The following DDR2 variants were observed in gnomAD, a reference collection of about 807,000 sequenced individuals.
DDR2 encodes the protein discoidin domain-containing receptor 2.
In DDR2, 27 loss-of-function variants were observed where a neutral mutation model predicts 94.9. That is an observed-to-expected ratio of 0.28 (90% CI 0.21 to 0.39). DDR2 has a LOEUF of 0.39. DDR2 is among the 10% of genes least tolerant of loss of function. The probability of loss-of-function intolerance (pLI) is 1.00; values close to 1 mark genes in which losing one functional copy is unlikely to be tolerated. For missense variants in DDR2, 783 were observed against 1,076.0 expected (o/e 0.73, Z 3.81); for synonymous variants, 382 against 377.2 (o/e 1.01, Z -0.15).
intron 12 of DDR2, 142 bp downstream of exon 12, chr1:162,770,654 T>C: frequency 1.1e-6 from 1 of 890,244 alleles, no homozygotes; most frequent in African/African-American, 1.7e-5. Flanking sequence ...CTTTCTAGAT[T>C]TGGTCTGCCG....
At chr1:162,666,395 A>C (rs2101928925) in intron 2 of DDR2, among the ~76,000 whole-genome samples, 1 of 152,326 alleles carries the variant, frequency 6.6e-6, no homozygotes, top group East Asian at 1.9e-4. Context: ...TGAATGAATG[A>C]GCAAATGAAG....
At chr1:162,755,011 G>A in intron 5 of DDR2, 145 bp from the exon 6 acceptor site, 1 of 1,428,730 alleles carries the variant, frequency 7.0e-7, no homozygotes, top group East Asian at 2.4e-5. Context: ...GGCAGGGAAG[G>A]AATATCAAGG....
At chr1:162,672,015 G>A (rs1342862120) in intron 2 of DDR2, among the ~76,000 whole-genome samples, 2 of 152,240 alleles carry the variant, frequency 1.3e-5, no homozygotes, top group South Asian at 2.1e-4. Flanking sequence ...TTTAATGCTT[G>A]CAGTTTTCCC....
intron 9 of DDR2, among the ~76,000 whole-genome samples, chr1:162,764,300 A>T (rs1663886631): frequency 6.6e-6 from 1 of 152,196 alleles, no homozygotes; most frequent in Non-Finnish European, 1.5e-5. Context: ...CTACAGCCAG[A>T]AACTGTGCCA....
chr1:162,764,204 T>C (rs1323785758), intron 9 of DDR2, among the ~76,000 whole-genome samples: 1 of 152,210 alleles, frequency 6.6e-6, no homozygotes, highest in Non-Finnish European at 1.5e-5. Flanking sequence ...TTGTATTCCA[T>C]TTGTTTCAAC....
At chr1:162,633,737 C>T (rs1459043663) in intron 1 of DDR2, among the ~76,000 whole-genome samples, 1 of 152,178 alleles carries the variant, frequency 6.6e-6, no homozygotes, top group African/African-American at 2.4e-5. Context: ...AGAGAGGACG[C>T]CAATGGCGGC....
In DDR2 at chr1:162,774,665, C is replaced by T. The variant is rs546498655; in HGVS notation, c.1857-987C>T. Among the ~76,000 whole-genome samples the T allele has an allele frequency of 2.0e-5, 3 of 152,214 alleles. No individual in the cohort carries two copies. In the East Asian group the frequency reaches 5.8e-4, roughly 29 times the overall value. On this transcript the variant is annotated intron_variant, in intron 14 of 17. Coordinates refer to ENST00000367921, the MANE Select transcript of DDR2 (RefSeq NM_006182.4). Reference sequence around the variant, plus strand: ...GGCATGAGGGGAAACAAAACCAAACCAAACCACAGGACATAGGATATGACA... The same window carrying T: ...GGCATGAGGGGAAACAAAACCAAACTAAACCACAGGACATAGGATATGACA...
chr1:162,693,124 A>G (rs529824399), intron 2 of DDR2, among the ~76,000 whole-genome samples: 2 of 152,230 alleles, frequency 1.3e-5, no homozygotes, highest in South Asian at 4.1e-4. Context: ...AGACAAAACT[A>G]TATGAGGTTA....
chr1:162,655,172 CAA>C (rs1038973238), intron 1 of DDR2, 37 bp from the exon 2 acceptor site: 1 of 152,178 alleles, frequency 6.6e-6, no homozygotes, highest in African/African-American at 2.4e-5. Context: ...TGAATGGAAC[CAA>C]AGTCTATAAT....
intron 2 of DDR2, among the ~76,000 whole-genome samples, chr1:162,679,920 C>T (rs181835963): frequency 2.9e-4 from 44 of 152,030 alleles, no homozygotes; most frequent in African/African-American, 6.5e-4. Context: ...GCCTGTTGGC[C>T]GCATGTACGT....
At chr1:162,741,514 C>T in intron 3 of DDR2, 1 of 876,282 alleles carries the variant, frequency 1.1e-6, no homozygotes, top group African/African-American at 1.8e-5. Flanking sequence ...AGGGTTATTG[C>T]AAGGGTAAAG....
Position 162,773,571 on chromosome 1 carries a change from C to T in DDR2, c.1831C>T (p.Arg611Ter), listed in dbSNP as rs928746429. Reference protein sequence around the residue: ...QPVLVAVKMLRADANKNARND... With the variant: ...QPVLVAVKML ...TGTCCTGGTGGCTGTGAAAATGCTC[C>T]GAGCAGATGCCAACAAGAATGCCAG... The change falls in exon 14 of 18, where the codon CGA (arginine) becomes TGA (stop). Residue 611 changes from arginine to a stop codon, truncating the protein, a stop_gained. Transcript: ENST00000367921. LOFTEE classifies it high-confidence loss of function. 4.3e-6 allele frequency: 7 copies of T among 1,613,882 alleles called. No individual in the cohort carries two copies. The highest frequency in any genetic ancestry group is 5.9e-6 in the Non-Finnish European group (7 of 1,179,920).
intron 2 of DDR2, among the ~76,000 whole-genome samples, chr1:162,692,526 A>G (rs1383069258): frequency 6.6e-6 from 1 of 152,210 alleles, no homozygotes; most frequent in Non-Finnish European, 1.5e-5. Flanking sequence ...AAGAATGGAT[A>G]TCCAAATGAC....
At chr1:162,642,748 GA>G (rs1276224227) in intron 1 of DDR2, among the ~76,000 whole-genome samples, 2 of 152,128 alleles carry the variant, frequency 1.3e-5, no homozygotes, top group East Asian at 3.9e-4. Context: ...GTCCTCTGAT[GA>G]TAGAAGTGCT....
chr1:162,742,475 G>A (rs773810586), intron 3 of DDR2, among the ~76,000 whole-genome samples: 7 of 152,138 alleles, frequency 4.6e-5, no homozygotes, highest in East Asian at 1.9e-4. Context: ...GTGGGGTGGC[G>A]GGGAAGGGAC....
intron 2 of DDR2, among the ~76,000 whole-genome samples, chr1:162,679,193 T>G (rs1387759317): frequency 2.6e-5 from 4 of 151,974 alleles, no homozygotes; most frequent in African/African-American, 9.7e-5. Flanking sequence ...CTCTCCCTCC[T>G]CCCACTGACC....
intron 8 of DDR2, 125 bp from the exon 9 acceptor site, chr1:162,761,086 T>TA: frequency 7.1e-7 from 1 of 1,400,874 alleles, no homozygotes; most frequent in Non-Finnish European, 1.0e-6. Context: ...ATGGCAGTCT[T>TA]CCTCTTACCT....
In DDR2 at chr1:162,754,661, G is replaced by A. The variant is rs2102132644; in HGVS notation, c.223G>A (p.Glu75Lys). The change falls in exon 5 of 18, where the codon GAG (glutamate) becomes AAG (lysine). Residue 75 changes from glutamate (E) to lysine (K), a missense_variant. Around this residue, in one of 2 missense-constraint regions of DDR2, gnomAD observed 519 missense variants for 647.9 expected, o/e 0.80. Coordinates refer to ENST00000367921, the MANE Select transcript of DDR2 (RefSeq NM_006182.4). ...SEEGDGAWCPEIPVEPDDLKE... is the reference protein window; with the variant it reads ...SEEGDGAWCPKIPVEPDDLKE... ...AGAAGGGGATGGAGCCTGGTGCCCT[G>A]AGATTCCAGTGGAACCTGATGACCT... is the stretch of plus-strand genomic sequence containing the variant. 1.9e-6 allele frequency: 3 copies of A among 1,614,136 alleles called. No individual in the cohort carries two copies. The highest frequency in any genetic ancestry group is 2.5e-6 in the Non-Finnish European group (3 of 1,180,008).
rs181929281 is a variant in DDR2 at position 162,690,787 on chromosome 1, C to A, written c.-27-28250C>A. Among the ~76,000 whole-genome samples, 180 of 152,260 alleles carry A rather than the reference C, an allele frequency of 1.2e-3. 1 individual carries two copies. Among genetic ancestry groups the A allele is most frequent in the African/African-American group, 4.0e-3 (165 of 41,552 alleles). On this transcript the variant is annotated intron_variant, in intron 2 of 17. Transcript: ENST00000367921. ...AATCACACAAGCCCTCATGCCTGTTCCTGAGGAGATTCTCCTGCGCTGGCC... is the reference window on the plus strand; with the variant it reads ...AATCACACAAGCCCTCATGCCTGTTACTGAGGAGATTCTCCTGCGCTGGCC...
Sources: allele counts gnomAD v4.1 joint callset (sites outside exome capture counted in the v4.1 genomes callset), GRCh38; gene constraint gnomAD v4.1.1; regional missense constraint gnomAD v4.1.1; transcripts MANE v1.5; gene names NCBI Gene and HGNC (gene_info 2026-07-23, HGNC 2026-07-21).